The following ALK variants were observed in gnomAD, a reference collection of about 807,000 sequenced individuals.
The protein encoded by ALK is ALK receptor tyrosine kinase.
In ALK, 74 loss-of-function variants were observed where a neutral mutation model predicts 163.1. That is an observed-to-expected ratio of 0.45 (90% CI 0.38 to 0.55). The LOEUF (loss-of-function observed/expected upper bound fraction) is 0.55. ALK is among the 20% of genes least tolerant of loss of function. ALK has a pLI of 0.00. For missense variants in ALK, 2,063 were observed against 2,105.3 expected (o/e 0.98, Z 0.39); for synonymous variants, 960 against 843.2 (o/e 1.14, Z -2.40).
chr2:29,606,189 C>T (rs1675537502), intron 3 of ALK, among the ~76,000 whole-genome samples: 2 of 152,326 alleles, frequency 1.3e-5, no homozygotes, highest in South Asian at 4.1e-4. Flanking sequence ...CAGGCATTCA[C>T]TTCATTTCCC....
rs541916188 is a variant in ALK, at chr2:29,472,575, T to A, written c.1154+59340A>T. 5.3e-5 allele frequency among the ~76,000 whole-genome samples: 8 copies of A among 152,182 alleles called. No individual in the cohort carries two copies. The South Asian group carries it at 1.7e-3, about 32-fold the overall frequency. On this transcript the variant is annotated intron_variant, in intron 4 of 28. Transcript: ENST00000389048. ...CACTTCTAACATACATTTTACTAGT[T>A]CTCTTAGCCAATACAATAAGGCAAG...
intron 1 of ALK, among the ~76,000 whole-genome samples, chr2:29,798,882 C>T (rs766223659): frequency 1.3e-5 from 2 of 152,172 alleles, no homozygotes; most frequent in African/African-American, 2.4e-5. Flanking sequence ...GAGAGGTCAT[C>T]GGTGTGATGG....
chr2:29,505,746 T>A (rs1672301392), intron 4 of ALK, among the ~76,000 whole-genome samples: 3 of 148,518 alleles, frequency 2.0e-5, no homozygotes. Flanking sequence ...ATCACCATTC[T>A]AAAAGGCCAA....
At chr2:29,542,678 T>C (rs913951197) in intron 3 of ALK, among the ~76,000 whole-genome samples, 15 of 152,230 alleles carry the variant, frequency 9.9e-5, no homozygotes, top group African/African-American at 3.1e-4. Context: ...CTGTTTTTCC[T>C]ATTTGGAAGC....
chr2:29,347,591 C>T (rs1667989293), intron 5 of ALK, among the ~76,000 whole-genome samples: 1 of 152,166 alleles, frequency 6.6e-6, no homozygotes, highest in Admixed American at 6.5e-5. Context: ...AAGTCTGTGT[C>T]CTTTCACTTC....
intron 3 of ALK, among the ~76,000 whole-genome samples, chr2:29,671,697 G>A (rs976221078): frequency 6.6e-6 from 1 of 151,936 alleles, no homozygotes; most frequent in African/African-American, 2.4e-5. Flanking sequence ...TACTTGCTTA[G>A]AATATTTTCA....
chr2:29,212,486 T>G (rs998216034), intron 24 of ALK, among the ~76,000 whole-genome samples: 1 of 152,174 alleles, frequency 6.6e-6, no homozygotes, highest in Non-Finnish European at 1.5e-5. Context: ...TGAAGCAGTA[T>G]GACCTGCAAG....
intron 3 of ALK, among the ~76,000 whole-genome samples, chr2:29,582,746 A>AAAT (rs1179710058): frequency 1.3e-5 from 2 of 152,236 alleles, no homozygotes; most frequent in African/African-American, 4.8e-5. Context: ...AGAGAGTATA[A>AAAT]AATACAGATG....
intron 1 of ALK, among the ~76,000 whole-genome samples, chr2:29,732,006 C>G (rs1558463819): frequency 6.6e-6 from 1 of 152,190 alleles, no homozygotes; most frequent in Non-Finnish European, 1.5e-5. Flanking sequence ...GCCTCGCACA[C>G]TGGGTAAACC....
At position 29,570,603 on chromosome 2, in the gene ALK, T is replaced by C. The variant is rs534587587; in HGVS notation, c.953-38487A>G. Among the ~76,000 whole-genome samples the C allele has an allele frequency of 2.0e-4, 30 of 152,348 alleles. 1 individual carries two copies. In the South Asian group the frequency reaches 6.0e-3, roughly 31 times the overall value. ...AGGAGCAGGCTCTGAGGCTGAGTCC[T>C]GGGAGAACATTTCTCTCTCTTAGAA... On this transcript the variant is annotated intron_variant, in intron 3 of 28. Transcript: ENST00000389048.
Position 29,863,968 on chromosome 2 carries a change from A to G in ALK, c.667+56025T>C, listed in dbSNP as rs144371168. Among the ~76,000 whole-genome samples, 446 of 152,294 alleles carry G rather than the reference A, an allele frequency of 2.9e-3. 1 individual carries two copies. The highest frequency in any genetic ancestry group is 7.9e-3 in the African/African-American group (330 of 41,558). ...TCTCCCAACAGCCTGTCGTGCATCT[A>G]ATCCTATCTTGACACCTGCTTCTCA... On this transcript the variant is annotated intron_variant, in intron 1 of 28. Coordinates refer to ENST00000389048, the MANE Select transcript of ALK (RefSeq NM_004304.5).
intron 11 of ALK, among the ~76,000 whole-genome samples, chr2:29,260,006 G>A (rs991674570): frequency 7.9e-5 from 12 of 151,860 alleles, no homozygotes; most frequent in African/African-American, 2.9e-4. Flanking sequence ...GTTTTTGACA[G>A]CAACACTTTA....
chr2:29,578,054 C>G (rs1674574993), intron 3 of ALK, among the ~76,000 whole-genome samples: 1 of 152,160 alleles, frequency 6.6e-6, no homozygotes, highest in Non-Finnish European at 1.5e-5. Context: ...TGTCCCCACC[C>G]AAATCGCATC....
Position 29,920,956 on chromosome 2 carries a change from G to T in ALK, c.-297C>A. ...TCTCCGCGCCGAGTGCCGCGCCCCCGTCTGTAGCTCGCTGCGCTCGGTACA... is the reference window on the plus strand; with the variant it reads ...TCTCCGCGCCGAGTGCCGCGCCCCCTTCTGTAGCTCGCTGCGCTCGGTACA... On this transcript the variant is annotated 5_prime_UTR_variant, in exon 1 of 29. Coordinates refer to ENST00000389048, the MANE Select transcript of ALK (RefSeq NM_004304.5). The T allele has an allele frequency of 2.0e-6, 1 of 491,770 alleles. No individual in the cohort carries two copies. 30.5% of individuals were successfully genotyped at this position (491,770 alleles called of 1,614,324 possible).
At chr2:29,440,140 A>G (rs1330643048) in intron 4 of ALK, among the ~76,000 whole-genome samples, 1 of 151,650 alleles carries the variant, frequency 6.6e-6, no homozygotes, top group Non-Finnish European at 1.5e-5. Context: ...AGGCTGAGGC[A>G]GGAGAATCAC....
chr2:29,258,680 G>A (rs1362554417), intron 11 of ALK, among the ~76,000 whole-genome samples: 4 of 152,170 alleles, frequency 2.6e-5, no homozygotes, highest in African/African-American at 9.7e-5. Context: ...TTCTCTGAAA[G>A]CTCAAATGAT....
intron 1 of ALK, among the ~76,000 whole-genome samples, chr2:29,831,383 T>C (rs1665416427): frequency 6.6e-6 from 1 of 151,670 alleles, no homozygotes. Context: ...TTCATTAGAC[T>C]CCTAGGAGTT....
chr2:29,758,724 ATTC>A (rs1036243894), intron 1 of ALK, among the ~76,000 whole-genome samples: 2 of 151,676 alleles, frequency 1.3e-5, no homozygotes, highest in African/African-American at 4.8e-5. Flanking sequence ...TTTTTCTCTC[ATTC>A]TTCTTCTTCA....
chr2:29,367,739 A>G (rs1014864158), intron 5 of ALK, among the ~76,000 whole-genome samples: 3 of 152,156 alleles, frequency 2.0e-5, no homozygotes, highest in African/African-American at 4.8e-5. Flanking sequence ...GCAATTTATT[A>G]TTATTGTTAT....
Sources: gnomAD v4.1 joint callset for allele counts (sites outside exome capture counted in the v4.1 genomes callset) on GRCh38, gnomAD v4.1.1 for gene constraint, MANE v1.5 for transcripts, NCBI Gene and HGNC (gene_info 2026-07-23, HGNC 2026-07-21) for gene names.